SRGAP2B: variants seen among roughly 807,000 people sequenced by gnomAD.
SRGAP2B encodes SLIT-ROBO Rho GTPase-activating protein 2B.
In SRGAP2B, 9 loss-of-function variants were observed where a neutral mutation model predicts 22.2. The observed-to-expected ratio is 0.41, with a 90% CI of 0.24 to 0.71. SRGAP2B has a LOEUF of 0.71. Among genes scored for constraint, SRGAP2B ranks in the 30% least tolerant of loss-of-function variants. SRGAP2B has a pLI of 0.35. For synonymous variants in SRGAP2B, 36 were observed against 87.4 expected (o/e 0.41, Z 3.28); for missense variants, 114 against 235.8 (o/e 0.48, Z 3.38).
At chr1:144,905,050 A>C (rs1235048087) in intron 7 of SRGAP2B, 41 bp downstream of exon 7, 1 of 724,632 alleles carries the variant, frequency 1.4e-6, no homozygotes, top group Non-Finnish European at 2.6e-6. Flanking sequence ...TTCTGAAACC[A>C]GAAAAGAGGT....
At chr1:144,966,955 T>A (rs1446505865) in intron 3 of SRGAP2B, among the ~76,000 whole-genome samples, 1 of 140,358 alleles carries the variant, frequency 7.1e-6, no homozygotes, top group Non-Finnish European at 1.5e-5. Context: ...CCTAAATATA[T>A]ATGCACCCAA....
intron 7 of SRGAP2B, among the ~76,000 whole-genome samples, chr1:144,904,247 A>C (rs1662824026): frequency 6.8e-6 from 1 of 147,914 alleles, no homozygotes; most frequent in South Asian, 2.2e-4. Context: ...GGAGACAGCA[A>C]TGCTTACCCA....
chr1:144,910,440 T>A (rs1248640226), intron 5 of SRGAP2B, among the ~76,000 whole-genome samples: 3 of 147,204 alleles, frequency 2.0e-5, no homozygotes, highest in African/African-American at 7.8e-5. Flanking sequence ...GAGGGACTAT[T>A]AAGTGCCATT....
rs587638769 is a variant in SRGAP2B at position 145,085,125 on chromosome 1, A to G, written c.67+7710T>C. Among the ~76,000 whole-genome samples, 62 of 151,818 alleles carry G rather than the reference A, an allele frequency of 4.1e-4. No homozygotes were observed. In the East Asian group the frequency reaches 0.012, roughly 29 times the overall value. On this transcript the variant is annotated intron_variant, in intron 2 of 9. Coordinates refer to ENST00000612199, the Ensembl canonical transcript of SRGAP2B. ...GCCCAGCTAATTTTTGTATTTTTGTAGAGATGAGGTTTTGCCATGTTGGCC... is the reference window on the plus strand; with the variant it reads ...GCCCAGCTAATTTTTGTATTTTTGTGGAGATGAGGTTTTGCCATGTTGGCC...
chr1:144,994,932 G>A (rs587712041), intron 3 of SRGAP2B, 76 bp downstream of exon 3: 1 of 703,108 alleles, frequency 1.4e-6, no homozygotes, highest in African/African-American at 1.9e-5. Flanking sequence ...CTGGATCTAA[G>A]TGGCATACCC....
At chr1:144,909,573 C>A (rs1463521338) in intron 5 of SRGAP2B, among the ~76,000 whole-genome samples, 2 of 145,018 alleles carry the variant, frequency 1.4e-5, no homozygotes, top group Non-Finnish European at 3.0e-5. Context: ...GGCAACAGAG[C>A]GAGACTCCAT....
At chr1:145,057,076 A>C (rs1454363528) in intron 2 of SRGAP2B, among the ~76,000 whole-genome samples, 1 of 139,272 alleles carries the variant, frequency 7.2e-6, no homozygotes, top group Non-Finnish European at 1.6e-5. Flanking sequence ...AATCATTTCT[A>C]AAAGAAACAG....
chr1:144,954,389 A>C (rs1223741494), intron 4 of SRGAP2B, among the ~76,000 whole-genome samples: 1 of 152,030 alleles, frequency 6.6e-6, no homozygotes, highest in Non-Finnish European at 1.5e-5. Flanking sequence ...TATCGACTAC[A>C]GTCCTGTTTA....
In SRGAP2B at chr1:144,960,405, G is replaced by C. The variant is rs490899; in HGVS notation, c.261-4804C>G. Among the ~76,000 whole-genome samples the C allele has an allele frequency of 1.1e-4, 16 of 150,964 alleles. No individual in the cohort carries two copies. In the South Asian group the frequency reaches 3.3e-3, roughly 31 times the overall value. On this transcript the variant is annotated intron_variant, in intron 3 of 9. Transcript: ENST00000612199. ...TCACATGCTGCCTGTACATCTGCAG[G>C]AGACATTATCACTGTAAATGCACTG...
intron 3 of SRGAP2B, among the ~76,000 whole-genome samples, chr1:144,966,254 A>G (rs1276099560): frequency 6.7e-6 from 1 of 149,954 alleles, no homozygotes; most frequent in Non-Finnish European, 1.5e-5. Context: ...AGGTCGGGTT[A>G]CCCTCAAAGG....
At chr1:144,965,222 C>T (rs587733276) in intron 3 of SRGAP2B, 15,335 of 772,422 alleles carry the variant, frequency 0.02, 274 homozygotes, top group Middle Eastern at 0.05. Flanking sequence ...ACACAGAAGA[C>T]GGGTGATTTC....
At chr1:145,021,814 CA>C (rs71074453) in intron 2 of SRGAP2B, among the ~76,000 whole-genome samples, 108 of 70,254 alleles carry the variant, frequency 1.5e-3, no homozygotes, top group African/African-American at 5.0e-3. Flanking sequence ...AACTCCGTCT[CA>C]AAAAAAAAAA....
At chr1:145,009,018 T>C (rs1313836212) in intron 2 of SRGAP2B, among the ~76,000 whole-genome samples, 14 of 135,720 alleles carry the variant, frequency 1.0e-4, no homozygotes, top group African/African-American at 3.7e-4. Context: ...AAAAAAAAAA[T>C]ACAAAAAAAG....
intron 4 of SRGAP2B, among the ~76,000 whole-genome samples, chr1:144,950,576 C>T (rs1553609202): frequency 7.4e-6 from 1 of 134,482 alleles, no homozygotes; most frequent in Admixed American, 7.6e-5. Context: ...CTTCCAGCTG[C>T]TTGCCCCAAC....
In SRGAP2B at chr1:145,082,084, A is replaced by AC. The variant is rs1220486175; in HGVS notation, c.67+10750_67+10751insG. 8.9e-5 allele frequency among the ~76,000 whole-genome samples: 13 copies of AC among 145,640 alleles called. 1 individual carries two copies. Among genetic ancestry groups the AC allele is most frequent in the Non-Finnish European group, 1.3e-4 (9 of 66,996 alleles). ...AACAAACAAACAAACAAACAAACAA[A>AC]AAAAACAAAGAGAATATGCCTTCTT... On this transcript the variant is annotated intron_variant, in intron 2 of 9. Transcript: ENST00000612199.
At chr1:144,998,552 AAAG>A (rs1398400167) in intron 2 of SRGAP2B, among the ~76,000 whole-genome samples, 17 of 149,858 alleles carry the variant, frequency 1.1e-4, no homozygotes, top group Non-Finnish European at 1.6e-4. Flanking sequence ...AACTGGCCAA[AAAG>A]AAGAAGAGGA....
intron 2 of SRGAP2B, among the ~76,000 whole-genome samples, chr1:145,057,015 A>AAAT (rs1175327978): frequency 4.7e-5 from 7 of 148,150 alleles, no homozygotes; most frequent in Admixed American, 2.0e-4. Flanking sequence ...CAGCATTAAA[A>AAAT]AATAATAATA....
rs1362518487 is a variant in SRGAP2B at position 144,970,781 on chromosome 1, A to G, written c.261-15180T>C. 6.6e-4 allele frequency among the ~76,000 whole-genome samples: 99 copies of G among 149,784 alleles called. 8 individuals carry two copies. The highest frequency in any genetic ancestry group is 2.4e-3 in the African/African-American group (95 of 39,920). ...AAAATGAATAACTGTTTATCTTTTAAAAAAATAAATAAATAAAAAATAAAT... is the reference window on the plus strand; with the variant it reads ...AAAATGAATAACTGTTTATCTTTTAGAAAAATAAATAAATAAAAAATAAAT... On this transcript the variant is annotated intron_variant, in intron 3 of 9. Coordinates refer to ENST00000612199, the Ensembl canonical transcript of SRGAP2B.
chr1:145,013,896 G>T (rs1247726845), intron 2 of SRGAP2B, among the ~76,000 whole-genome samples: 5 of 149,768 alleles, frequency 3.3e-5, no homozygotes, highest in African/African-American at 1.3e-4. Flanking sequence ...GGCCATGGTG[G>T]TTTTGCAACC....
Sources: gnomAD v4.1 joint callset for allele counts (sites outside exome capture counted in the v4.1 genomes callset) on GRCh38, gnomAD v4.1.1 for gene constraint, MANE v1.5 for transcripts, NCBI Gene and HGNC (gene_info 2026-07-23, HGNC 2026-07-21) for gene names.